BAG4: variants seen among roughly 807,000 people sequenced by gnomAD.
BAG4 encodes BAG family molecular chaperone regulator 4.
A neutral mutation model predicts 52.1 loss-of-function variants in BAG4; 28 were observed. That is an observed-to-expected ratio of 0.54 (90% CI 0.40 to 0.74). The LOEUF is 0.74. Ranked by LOEUF, BAG4 falls within the 30% of genes least tolerant of loss-of-function variation. The probability of loss-of-function intolerance (pLI) is 0.00; values close to 1 mark genes in which losing one functional copy is unlikely to be tolerated. For synonymous variants in BAG4, 208 were observed against 217.0 expected (o/e 0.96, Z 0.37); for missense variants, 525 against 572.0 (o/e 0.92, Z 0.84).
At chr8:38,205,790 G>T (rs1803760460) in intron 2 of BAG4, among the ~76,000 whole-genome samples, 1 of 152,116 alleles carries the variant, frequency 6.6e-6, no homozygotes, top group Non-Finnish European at 1.5e-5. Flanking sequence ...TAGTCTTCGA[G>T]ATAGAGATGA....
intron 1 of BAG4, among the ~76,000 whole-genome samples, chr8:38,190,821 G>T (rs1803461433): frequency 6.7e-6 from 1 of 149,096 alleles, no homozygotes; most frequent in Admixed American, 6.8e-5. Flanking sequence ...GCAGTGGCAT[G>T]ATCTCTGCTC....
intron 2 of BAG4, chr8:38,203,993 C>G (rs1032525818): frequency 3.3e-5 from 5 of 152,174 alleles, no homozygotes; most frequent in African/African-American, 1.2e-4. Flanking sequence ...CAGACAAAGA[C>G]TTAAAAACTT....
At position 38,176,879 on chromosome 8, in the gene BAG4, C is replaced by T. The variant is rs1350773113; in HGVS notation, c.10C>T (p.Leu4=). 1.3e-6 allele frequency: 2 copies of T among 1,538,552 alleles called. No homozygotes were observed. Among genetic ancestry groups the T allele is most frequent in the African/African-American group, 1.4e-5 (1 of 72,696 alleles). MSA[L]RRSGYGPSDG... ...CAGGGCAGCGGATCCCATGTCGGCC[C>T]TGAGGCGCTCGGGCTACGGCCCCAG... is the stretch of plus-strand genomic sequence containing the variant. The change falls in exon 1 of 5, where the codon CTG becomes TTG. Residue 4 remains leucine (L), a synonymous_variant. Coordinates refer to ENST00000287322, the MANE Select transcript of BAG4 (RefSeq NM_004874.4).
chr8:38,180,755 C>A (rs1308223304), intron 1 of BAG4, among the ~76,000 whole-genome samples: 2 of 151,968 alleles, frequency 1.3e-5, no homozygotes, highest in African/African-American at 4.8e-5. Flanking sequence ...AATGCAAAAT[C>A]TCTCCTCTTC....
chr8:38,192,121 C>T (rs930639009), intron 1 of BAG4, among the ~76,000 whole-genome samples: 13 of 152,210 alleles, frequency 8.5e-5, no homozygotes, highest in East Asian at 1.9e-4. Context: ...TGTGCTTGAG[C>T]GAAACTCTAG....
rs145209451 is a variant in BAG4, at chr8:38,178,857, T to C, written c.270+1718T>C. Among the ~76,000 whole-genome samples the C allele has an allele frequency of 6.3e-3, 960 of 152,218 alleles. 6 individuals are homozygous for C. Among genetic ancestry groups the C allele is most frequent in the African/African-American group, 0.022 (928 of 41,532 alleles). ...AATGAAATGTTCTAAAATCAGGGCC[T>C]GGTGAGATGGCTCACACCTGTAATC... On this transcript the variant is annotated intron_variant, in intron 1 of 4. Coordinates refer to ENST00000287322, the MANE Select transcript of BAG4 (RefSeq NM_004874.4).
chr8:38,202,722 T>G (rs189763892), intron 2 of BAG4, among the ~76,000 whole-genome samples: 29 of 152,012 alleles, frequency 1.9e-4, no homozygotes, highest in African/African-American at 7.0e-4. Flanking sequence ...TTGTATTTTT[T>G]GTAGAGATGG....
At chr8:38,183,410 T>A (rs905303361) in intron 1 of BAG4, among the ~76,000 whole-genome samples, 66 of 152,144 alleles carry the variant, frequency 4.3e-4, no homozygotes, top group African/African-American at 1.2e-3. Context: ...TCCCAGAACT[T>A]CTCCTGCCGA....
intron 1 of BAG4, among the ~76,000 whole-genome samples, chr8:38,182,285 T>C (rs985840652): frequency 3.9e-5 from 6 of 152,248 alleles, no homozygotes; most frequent in African/African-American, 1.2e-4. Flanking sequence ...TTTTGTCCAA[T>C]TCTTATGAAA....
chr8:38,185,800 T>C (rs1020128868), intron 1 of BAG4, among the ~76,000 whole-genome samples: 4 of 152,192 alleles, frequency 2.6e-5, no homozygotes, highest in African/African-American at 4.8e-5. Flanking sequence ...CCTGACCTCG[T>C]GATCCACCTG....
intron 2 of BAG4, among the ~76,000 whole-genome samples, chr8:38,205,400 C>CAATGAAGTAGA (rs1240535226): frequency 6.6e-6 from 1 of 151,802 alleles, no homozygotes; most frequent in African/African-American, 2.4e-5. Flanking sequence ...AATGAATAGT[C>CAATGAAGTAGA]TTTAATCTAC....
At chr8:38,177,209 G>A (rs2130654839) in intron 1 of BAG4, 70 bp downstream of exon 1, 1 of 1,576,298 alleles carries the variant, frequency 6.3e-7, no homozygotes, top group Non-Finnish European at 8.6e-7. Flanking sequence ...AAAGGATCGG[G>A]TTTCATACTT....
intron 1 of BAG4, among the ~76,000 whole-genome samples, chr8:38,179,763 T>C (rs992045793): frequency 7.3e-5 from 11 of 150,442 alleles, no homozygotes; most frequent in African/African-American, 2.7e-4. Flanking sequence ...CGAAACTCCA[T>C]CTCAAAAAAA....
chr8:38,213,120 A>G lies in BAG4; in HGVS notation c.*2627A>G, dbSNP rs1224588664. On this transcript the variant is annotated 3_prime_UTR_variant, in exon 5 of 5. Coordinates refer to ENST00000287322, the MANE Select transcript of BAG4 (RefSeq NM_004874.4). Reference sequence around the variant, plus strand: ...AAAATATATGAACTTAAGAAGGAAAATAGTATTTATGATTTGTAGAATTGG... The same window carrying G: ...AAAATATATGAACTTAAGAAGGAAAGTAGTATTTATGATTTGTAGAATTGG... 1 of 152,210 alleles carries G rather than the reference A, an allele frequency of 6.6e-6. No individual in the cohort carries two copies. The highest frequency in any genetic ancestry group is 1.5e-5 in the Non-Finnish European group (1 of 68,032). 9.4% of individuals were successfully genotyped at this position (152,210 alleles called of 1,614,324 possible).
chr8:38,212,690 T>G lies in BAG4; in HGVS notation c.*2197T>G, dbSNP rs1336500285. 3 of 152,170 alleles carry G rather than the reference T, an allele frequency of 2.0e-5. No homozygotes were observed. Among genetic ancestry groups the G allele is most frequent in the East Asian group, 1.9e-4 (1 of 5,166 alleles). 9.4% of individuals were successfully genotyped at this position (152,170 alleles called of 1,614,324 possible). A position where few individuals can be genotyped will look rare whatever the true frequency, so the allele number is the denominator to read the frequency against. ...CTGATGTTGTAATGTATTTCTGGTG[T>G]TGTTAACCTTGATCACTATGCTAAG... On this transcript the variant is annotated 3_prime_UTR_variant, in exon 5 of 5. Transcript: ENST00000287322.
chr8:38,209,487 CAGAA>C lies in BAG4; in HGVS notation c.888+224_888+227del, dbSNP rs960088152. On this transcript the variant is annotated intron_variant, in intron 4 of 4. Coordinates refer to ENST00000287322, the MANE Select transcript of BAG4 (RefSeq NM_004874.4). ...GATTCACATCGTTTTTGTTAAAAGA[CAGAA>C]AGATACACATTTTCTGTTTGTTGTA... 1.0e-5 allele frequency: 6 copies of C among 572,636 alleles called. No individual in the cohort carries two copies. The South Asian group carries it at 1.4e-4, about 13-fold the overall frequency. 35.5% of individuals were successfully genotyped at this position (572,636 alleles called of 1,614,324 possible).
chr8:38,207,812 C>CT (rs1270184169), intron 3 of BAG4, 46 bp downstream of exon 3: 13 of 1,601,052 alleles, frequency 8.1e-6, no homozygotes, highest in Non-Finnish European at 1.1e-5. Context: ...AAGTCTCTGC[C>CT]TCTTGTAAAC....
chr8:38,189,781 T>C (rs1803436593), intron 1 of BAG4, among the ~76,000 whole-genome samples: 1 of 152,006 alleles, frequency 6.6e-6, no homozygotes, highest in African/African-American at 2.4e-5. Flanking sequence ...TTATCCATAT[T>C]TGTTTGTTTT....
At chr8:38,199,619 G>A (rs753694032) in intron 2 of BAG4, among the ~76,000 whole-genome samples, 36 of 151,740 alleles carry the variant, frequency 2.4e-4, no homozygotes, top group Non-Finnish European at 1.2e-4. Flanking sequence ...CACATCCCAG[G>A]TTAAAGTGAT....
Sources: allele counts gnomAD v4.1 joint callset (sites outside exome capture counted in the v4.1 genomes callset), GRCh38; gene constraint gnomAD v4.1.1; transcripts MANE v1.5; gene names NCBI Gene and HGNC (gene_info 2026-07-23, HGNC 2026-07-21).